The following LRP1B variants were observed in gnomAD, a reference collection of about 807,000 sequenced individuals.
The protein encoded by LRP1B is LDL receptor related protein 1B, also known as low-density lipoprotein receptor-related protein 1B.
A neutral mutation model predicts 556.6 loss-of-function variants in LRP1B; 217 were observed. The ratio of observed to expected loss-of-function variants is 0.39; its 90% CI spans 0.35 to 0.44. LRP1B has a LOEUF of 0.44. LRP1B is among the 20% of genes least tolerant of loss of function. The pLI, the probability that LRP1B is intolerant of heterozygous loss-of-function variation, is 1.00. For missense variants in LRP1B, 5,053 were observed against 5,620.8 expected (o/e 0.90, Z 3.23); for synonymous variants, 2,047 against 1,865.8 (o/e 1.10, Z -2.50).
rs971008988 is a variant in LRP1B at position 140,506,491 on chromosome 2, G to A, written c.8521+305C>T. Among the ~76,000 whole-genome samples the A allele has an allele frequency of 3.3e-5, 5 of 152,110 alleles. No homozygotes were observed. In the East Asian group the frequency reaches 7.7e-4, roughly 24 times the overall value. ...ACTCCTGACCTCAGGTGATCCACCC[G>A]CCTCAGCCTCCCGAAGTGCTAGGAC... is the stretch of plus-strand genomic sequence containing the variant. On this transcript the variant is annotated intron_variant, in intron 53 of 90. Coordinates refer to ENST00000389484, the MANE Select transcript of LRP1B (RefSeq NM_018557.3).
rs553654704 is a variant in LRP1B, at chr2:141,737,792, G to A, written c.205+72487C>T. Among the ~76,000 whole-genome samples the A allele has an allele frequency of 1.2e-4, 18 of 152,204 alleles. 1 individual carries two copies. The South Asian group carries it at 3.7e-3, about 32-fold the overall frequency. On this transcript the variant is annotated intron_variant, in intron 2 of 90. Coordinates refer to ENST00000389484, the MANE Select transcript of LRP1B (RefSeq NM_018557.3). ...AGTTATTGATATTGGTGCATATTAA[G>A]CATCCTCAGAAATGCTTTTTTCTTC...
At chr2:140,256,619 C>A (rs1278128954) in intron 86 of LRP1B, among the ~76,000 whole-genome samples, 1 of 151,312 alleles carries the variant, frequency 6.6e-6, no homozygotes, top group Non-Finnish European at 1.5e-5. Flanking sequence ...CAGGCGTGCA[C>A]CACCAAGCCC....
chr2:141,495,521 T>C (rs987296015), intron 2 of LRP1B, among the ~76,000 whole-genome samples: 1 of 152,180 alleles, frequency 6.6e-6, no homozygotes, highest in African/African-American at 2.4e-5. Context: ...GGTTCTTTTC[T>C]ACAGAAGTTT....
chr2:140,614,271 T>G (rs1683182666), intron 41 of LRP1B, among the ~76,000 whole-genome samples: 2 of 152,104 alleles, frequency 1.3e-5, no homozygotes, highest in East Asian at 3.9e-4. Flanking sequence ...TTTTTATTCC[T>G]AATTCTATAT....
At chr2:141,091,770 C>T (rs1700177447) in intron 7 of LRP1B, among the ~76,000 whole-genome samples, 1 of 152,210 alleles carries the variant, frequency 6.6e-6, no homozygotes, top group African/African-American at 2.4e-5. Flanking sequence ...CTATGATAAT[C>T]ATACAAATGT....
chr2:141,213,117 A>ATTTT (rs551951254), intron 6 of LRP1B, among the ~76,000 whole-genome samples: 1 of 140,284 alleles, frequency 7.1e-6, no homozygotes, highest in Non-Finnish European at 1.6e-5. Flanking sequence ...CAGCTAATTA[A>ATTTT]TTTTTTTTTT....
At chr2:141,525,420 T>C (rs1204082230) in intron 2 of LRP1B, among the ~76,000 whole-genome samples, 1 of 152,048 alleles carries the variant, frequency 6.6e-6, no homozygotes, top group Non-Finnish European at 1.5e-5. Flanking sequence ...TTCACTGCTT[T>C]AGCTGTGTAA....
At chr2:141,237,406 A>C (rs1051940781) in intron 5 of LRP1B, among the ~76,000 whole-genome samples, 6 of 140,728 alleles carry the variant, frequency 4.3e-5, no homozygotes, top group African/African-American at 1.3e-4. Flanking sequence ...GGGTCTCACT[A>C]TGTTACCCAG....
At chr2:141,476,266 A>G (rs1682702437) in intron 3 of LRP1B, among the ~76,000 whole-genome samples, 1 of 152,186 alleles carries the variant, frequency 6.6e-6, no homozygotes, top group Admixed American at 6.5e-5. Context: ...AAGAATGTCA[A>G]ATTTTAAAAC....
chr2:140,710,765 T>C (rs1687003033), intron 37 of LRP1B, among the ~76,000 whole-genome samples: 1 of 151,992 alleles, frequency 6.6e-6, no homozygotes, highest in East Asian at 1.9e-4. Flanking sequence ...GCAAATGGTA[T>C]AAAACCTGCA....
chr2:141,844,565 G>C (rs1033809388), intron 1 of LRP1B, among the ~76,000 whole-genome samples: 9 of 152,006 alleles, frequency 5.9e-5, no homozygotes, highest in African/African-American at 2.2e-4. Flanking sequence ...CGCATTTTCA[G>C]ATAAATAAAC....
At chr2:141,541,561 C>T (rs2105210380) in intron 2 of LRP1B, among the ~76,000 whole-genome samples, 1 of 152,084 alleles carries the variant, frequency 6.6e-6, no homozygotes, top group South Asian at 2.1e-4. Flanking sequence ...TGAACATTCA[C>T]ACATACAGAT....
intron 1 of LRP1B, among the ~76,000 whole-genome samples, chr2:142,069,085 A>G (rs572402527): frequency 2.6e-5 from 4 of 151,010 alleles, no homozygotes; most frequent in Non-Finnish European, 5.9e-5. Context: ...CTGTATTTTT[A>G]ATTATTAGGT....
At chr2:141,707,287 ATC>A (rs903386580) in intron 2 of LRP1B, among the ~76,000 whole-genome samples, 2 of 152,042 alleles carry the variant, frequency 1.3e-5, no homozygotes, top group African/African-American at 4.8e-5. Flanking sequence ...TTTGCCAGGG[ATC>A]TCTCTTTTCT....
At chr2:141,754,175 G>T (rs901085948) in intron 2 of LRP1B, among the ~76,000 whole-genome samples, 15 of 152,128 alleles carry the variant, frequency 9.9e-5, no homozygotes, top group African/African-American at 3.6e-4. Flanking sequence ...GAGTCTTCCT[G>T]AGAATCTCAT....
At chr2:141,057,528 G>A (rs1430965201) in intron 9 of LRP1B, among the ~76,000 whole-genome samples, 1 of 151,826 alleles carries the variant, frequency 6.6e-6, no homozygotes. Flanking sequence ...CCCAGTAGGA[G>A]GTAATTGAAT....
intron 25 of LRP1B, among the ~76,000 whole-genome samples, chr2:140,871,636 A>T (rs773057402): frequency 8.5e-5 from 13 of 152,064 alleles, no homozygotes; most frequent in Non-Finnish European, 1.8e-4. Context: ...TTTCATGGAG[A>T]TGTGAAAGGA....
chr2:141,848,035 A>C (rs2105769837), intron 1 of LRP1B, among the ~76,000 whole-genome samples: 1 of 151,692 alleles, frequency 6.6e-6, no homozygotes, highest in Middle Eastern at 3.4e-3. Context: ...AATACATGAA[A>C]GGAGAAGCTA....
intron 3 of LRP1B, among the ~76,000 whole-genome samples, chr2:141,429,642 A>G (rs1573936320): frequency 6.6e-6 from 1 of 151,278 alleles, no homozygotes; most frequent in African/African-American, 2.4e-5. Flanking sequence ...CCTTCCTCCC[A>G]CCTCCCGCCC....
Sources: gnomAD v4.1 joint callset for allele counts (sites outside exome capture counted in the v4.1 genomes callset) on GRCh38, gnomAD v4.1.1 for gene constraint, MANE v1.5 for transcripts, NCBI Gene and HGNC (gene_info 2026-07-23, HGNC 2026-07-21) for gene names.